Variants in KCNN4 observed in about 807,000 individuals in gnomAD.
The protein encoded by KCNN4 is potassium calcium-activated channel subfamily N member 4.
A neutral mutation model predicts 45.2 loss-of-function variants in KCNN4; 31 were observed. The observed-to-expected ratio is 0.69, with a 90% CI of 0.52 to 0.92. The LOEUF is 0.92. KCNN4 is among the 40% of genes least tolerant of loss of function. The pLI is 0.00. For missense variants in KCNN4, 463 were observed against 574.0 expected, an observed-to-expected ratio of 0.81 and a Z score of 1.98; for synonymous variants, 231 against 254.6, an observed-to-expected ratio of 0.91 and a Z score of 0.88.
chr19:43,771,294 C>T (rs905430491), intron 4 of KCNN4, among the ~76,000 whole-genome samples: 10 of 152,124 alleles, frequency 6.6e-5, no homozygotes, highest in Admixed American at 6.5e-5. Flanking sequence ...CACCCCTAGA[C>T]CTGTTTACTG....
At chr19:43,775,631 A>G (rs2146458834) in intron 2 of KCNN4, among the ~76,000 whole-genome samples, 2 of 152,290 alleles carry the variant, frequency 1.3e-5, no homozygotes, top group Non-Finnish European at 2.9e-5. Context: ...ATGGCCAATA[A>G]TCCCCATTTT....
chr19:43,773,867 T>C (rs1425497962), intron 3 of KCNN4, among the ~76,000 whole-genome samples: 2 of 152,122 alleles, frequency 1.3e-5, no homozygotes, highest in African/African-American at 2.4e-5. Flanking sequence ...GTCCCAGAGA[T>C]AGGTTCGGAG....
intron 1 of KCNN4, among the ~76,000 whole-genome samples, chr19:43,778,928 G>C (rs1404575885): frequency 6.6e-6 from 1 of 152,202 alleles, no homozygotes; most frequent in Non-Finnish European, 1.5e-5. Flanking sequence ...GGACTGAGGA[G>C]CTGTGGCTCA....
chr19:43,769,368 C>T lies in KCNN4; in HGVS notation c.1049+74G>A, dbSNP rs761210969. On this transcript the variant is annotated intron_variant, in intron 6 of 8. Transcript: ENST00000648319. The surrounding 1 kb of genome is among the most constrained non-coding windows in gnomAD (Gnocchi z 4.4). ...TGACCTGGACAGGCATGGACATGCA[C>T]ACACACAGCCGTGCAGAGAGGTGAC... 183 of 1,220,946 alleles carry T rather than the reference C, an allele frequency of 1.5e-4. No individual in the cohort carries two copies. Among genetic ancestry groups the T allele is most frequent in the Non-Finnish European group, 2.1e-4 (174 of 833,266 alleles). The allele number at this position is 1,220,946 out of a possible 1,614,324, so 75.6% of individuals were successfully genotyped here.
At chr19:43,778,534 CG>C (rs1969879637) in intron 1 of KCNN4, among the ~76,000 whole-genome samples, 1 of 152,134 alleles carries the variant, frequency 6.6e-6, no homozygotes, top group Admixed American at 6.5e-5. Context: ...CCACCGCGCC[CG>C]GCCCTCTATT....
rs550883881 is a variant in KCNN4 at position 43,776,607 on chromosome 19, G to A, written c.189C>T (p.Cys63=). 50 of 1,613,928 alleles carry A rather than the reference G, an allele frequency of 3.1e-5. No homozygotes were observed. In the South Asian group the frequency reaches 5.3e-4, roughly 17 times the overall value. ...SWALYLFLVK[C]TISISTFLLL... ...GTAAGAAGGTGGAAATGCTGATCGT[G>A]CATTTAACCAGGAACAGGTAGAGCG... is the stretch of plus-strand genomic sequence containing the variant. The change falls in exon 2 of 9, where the codon TGC becomes TGT. Residue 63 remains cysteine, a synonymous_variant. Transcript: ENST00000648319.
chr19:43,774,102 T>C lies in KCNN4; in HGVS notation c.683+90A>G. ...GTGAACTTTCTCCACTGCTTGGTCC[T>C]AGGGGGCCTCAACCTGCACCGCGGC... On this transcript the variant is annotated intron_variant, in intron 3 of 8. Coordinates refer to ENST00000648319, the MANE Select transcript of KCNN4 (RefSeq NM_002250.3). This position sits in a 1 kb window ranked among gnomAD's most constrained non-coding sequence, Gnocchi z 5.6. 7.4e-7 allele frequency: 1 copy of C among 1,347,522 alleles called. No individual in the cohort carries two copies. The highest frequency in any genetic ancestry group is 2.5e-5 in the East Asian group (1 of 40,016). 83.5% of individuals were successfully genotyped at this position (1,347,522 alleles called of 1,614,324 possible).
Position 43,769,374 on chromosome 19 carries a change from C to A in KCNN4, c.1049+68G>T. 2 of 1,266,868 alleles carry A rather than the reference C, an allele frequency of 1.6e-6. No individual in the cohort carries two copies. The highest frequency in any genetic ancestry group is 1.2e-5 in the South Asian group (1 of 83,142). The allele number at this position is 1,266,868 out of a possible 1,614,324, so 78.5% of individuals were successfully genotyped here. A position where few individuals can be genotyped will look rare whatever the true frequency, so the allele number is the denominator to read the frequency against. ...GGACAGGCATGGACATGCACACACA[C>A]AGCCGTGCAGAGAGGTGACTTGGAC... On this transcript the variant is annotated intron_variant, in intron 6 of 8. Transcript: ENST00000648319. The surrounding 1 kb of genome is among the most constrained non-coding windows in gnomAD (Gnocchi z 4.4).
At position 43,767,474 on chromosome 19, in the gene KCNN4, A is replaced by C; in HGVS notation, c.*3+66T>G. ...AGCCATCCCCCGCCCCCTTAGCCAC[A>C]TAGGGTGCTGGCCACAGGAACCCTT... On this transcript the variant is annotated intron_variant, in intron 8 of 8. Transcript: ENST00000648319. 5.1e-6 allele frequency: 8 copies of C among 1,555,128 alleles called. No individual in the cohort carries two copies. The South Asian group carries it at 9.4e-5, about 18-fold the overall frequency.
intron 4 of KCNN4, among the ~76,000 whole-genome samples, chr19:43,771,716 C>T (rs118024958): frequency 9.2e-5 from 14 of 152,260 alleles, no homozygotes; most frequent in Non-Finnish European, 1.9e-4. Flanking sequence ...GACAGGGTCT[C>T]ACTCTGCCAC....
At chr19:43,776,661 G>A (rs1969815143) in intron 1 of KCNN4, 25 bp from the exon 2 acceptor site, 4 of 1,506,602 alleles carry the variant, frequency 2.7e-6, no homozygotes, top group African/African-American at 1.4e-5. Flanking sequence ...GGAAAAAGCG[G>A]TGTGAGATCC....
rs917622929 is a variant in KCNN4, at chr19:43,769,861, C to T, written c.820-32G>A. On this transcript the variant is annotated intron_variant, in intron 4 of 8. Transcript: ENST00000648319. This position sits in a 1 kb window ranked among gnomAD's most constrained non-coding sequence, Gnocchi z 4.4. The stretch of plus-strand genomic sequence containing the variant: ...GCACAGCAGGCACCGTGGCATGAGG[C>T]TGTGCCACCGACTCCCTCCTTGAAC... The T allele has an allele frequency of 1.3e-6, 2 of 1,510,414 alleles. No homozygotes were observed. The highest frequency in any genetic ancestry group is 1.7e-4 in the Middle Eastern group (1 of 5,782). 93.6% of individuals were successfully genotyped at this position (1,510,414 alleles called of 1,614,324 possible). A position where few individuals can be genotyped will look rare whatever the true frequency, so the allele number is the denominator to read the frequency against.
chr19:43,768,037 A>G (rs969212150), intron 7 of KCNN4, among the ~76,000 whole-genome samples: 5 of 152,236 alleles, frequency 3.3e-5, no homozygotes, highest in Non-Finnish European at 4.4e-5. Context: ...TGCTCATTAG[A>G]TATTTCTAGC....
At chr19:43,771,315 G>A (rs538003714) in intron 4 of KCNN4, among the ~76,000 whole-genome samples, 2 of 152,308 alleles carry the variant, frequency 1.3e-5, no homozygotes, top group East Asian at 3.9e-4. Flanking sequence ...AGCACCTCCT[G>A]TGGGCTGGGC....
At chr19:43,770,465 A>G (rs980575566) in intron 4 of KCNN4, among the ~76,000 whole-genome samples, 1 of 152,086 alleles carries the variant, frequency 6.6e-6, no homozygotes, top group Non-Finnish European at 1.5e-5. Flanking sequence ...AGGCCTTGGC[A>G]ATTCCTAGCT....
Position 43,769,036 on chromosome 19 carries a change from T to C in KCNN4, c.1050-4A>G, listed in dbSNP as rs1969559648. On this transcript the variant is annotated splice_region_variant and splice_polypyrimidine_tract_variant and intron_variant, in intron 6 of 8. Coordinates refer to ENST00000648319, the MANE Select transcript of KCNN4 (RefSeq NM_002250.3). This position sits in a 1 kb window ranked among gnomAD's most constrained non-coding sequence, Gnocchi z 4.4. ...TTTCAGCCGCACCTGGCGGAACCTGTGGGAAGAAGTGGGGAGTCAGTTTTA... is the reference window on the plus strand; with the variant it reads ...TTTCAGCCGCACCTGGCGGAACCTGCGGGAAGAAGTGGGGAGTCAGTTTTA... 6.2e-7 allele frequency: 1 copy of C among 1,613,844 alleles called. No individual in the cohort carries two copies. The highest frequency in any genetic ancestry group is 8.5e-7 in the Non-Finnish European group (1 of 1,179,886).
chr19:43,771,901 C>A, intron 4 of KCNN4, 99 bp downstream of exon 4: 1 of 1,401,472 alleles, frequency 7.1e-7, no homozygotes, highest in Non-Finnish European at 9.5e-7. Context: ...AGGAGCTGTC[C>A]CTGAGAGCCT....
At chr19:43,771,344 C>T (rs1428929379) in intron 4 of KCNN4, among the ~76,000 whole-genome samples, 2 of 152,106 alleles carry the variant, frequency 1.3e-5, no homozygotes, top group African/African-American at 4.8e-5. Flanking sequence ...AAGCACTTTA[C>T]GTAGTTGGAC....
At chr19:43,767,518 G>A (rs1184439825) in intron 8 of KCNN4, 22 bp downstream of exon 8, 3 of 1,608,898 alleles carry the variant, frequency 1.9e-6, no homozygotes, top group Non-Finnish European at 2.5e-6. Flanking sequence ...ATGCCTTCCT[G>A]CCCAAGTCCC....
Sources: allele counts gnomAD v4.1 joint callset (sites outside exome capture counted in the v4.1 genomes callset), GRCh38; gene constraint gnomAD v4.1.1; non-coding constraint Gnocchi (gnomAD v3.1); transcripts MANE v1.5; gene names NCBI Gene and HGNC (gene_info 2026-07-23, HGNC 2026-07-21).